EZH1: variants seen among roughly 807,000 people sequenced by gnomAD.
The protein encoded by EZH1 is histone-lysine N-methyltransferase EZH1.
In EZH1, 33 loss-of-function variants were observed where a neutral mutation model predicts 100.5. The observed-to-expected ratio is 0.33, with a 90% CI of 0.25 to 0.44. The LOEUF (loss-of-function observed/expected upper bound fraction) is 0.44, where lower values mean the gene tolerates loss of function less well. Among genes scored for constraint, EZH1 ranks in the 20% least tolerant of loss-of-function variants. The pLI is 1.00. For synonymous variants in EZH1, 272 were observed against 313.8 expected, an observed-to-expected ratio of 0.87 and a Z score of 1.41; for missense variants, 475 against 928.4, an observed-to-expected ratio of 0.51 and a Z score of 6.35.
intron 1 of EZH1, among the ~76,000 whole-genome samples, chr17:42,733,676 T>G (rs2143859757): frequency 7.0e-6 from 1 of 142,864 alleles, no homozygotes; most frequent in African/African-American, 2.6e-5. Flanking sequence ...GCAGGGTGGC[T>G]GACGTCTGTA....
chr17:42,706,177 G>T lies in EZH1; in HGVS notation c.1669C>A (p.Arg557Ser). Residue 557 changes from arginine to serine, a missense_variant, in exon 16 of 21, where the codon CGT becomes AGT. By Grantham distance (110) the Arg-to-Ser change is moderately radical (BLOSUM62 -1). Transcript: ENST00000428826. This position sits in a 1 kb window ranked among gnomAD's most constrained non-coding sequence, Gnocchi z 4.4. ...GTCTTACAGCGACAGCCAGGGAAAC[G>T]ATTCTGACCTGGGAAGGGAAGACAG... ...FCQCNPDCQN[R>S]FPGCRCKTQC... 1 of 1,608,556 alleles carries T rather than the reference G, an allele frequency of 6.2e-7. No homozygotes were observed. The highest frequency in any genetic ancestry group is 1.1e-5 in the South Asian group (1 of 89,982).
At chr17:42,704,763 G>T in intron 17 of EZH1, 80 bp from the exon 18 acceptor site, 1 of 1,120,442 alleles carries the variant, frequency 8.9e-7, no homozygotes, top group Non-Finnish European at 1.3e-6. Flanking sequence ...GAAAGGGCTG[G>T]GTGGTATCTC....
intron 2 of EZH1, chr17:42,729,213 C>T (rs1278063549): frequency 3.3e-6 from 1 of 303,642 alleles, no homozygotes; most frequent in Non-Finnish European, 6.2e-6. Flanking sequence ...TTGAGACAAC[C>T]TTGGGCAACA....
intron 1 of EZH1, among the ~76,000 whole-genome samples, chr17:42,743,200 T>G (rs1210341825): frequency 7.2e-6 from 1 of 138,648 alleles, no homozygotes; most frequent in East Asian, 2.2e-4. Flanking sequence ...TGACAGAATC[T>G]CACTCTGTTG....
At chr17:42,729,214 T>G (rs2053887405) in intron 2 of EZH1, 1 of 291,358 alleles carries the variant, frequency 3.4e-6, no homozygotes, top group Non-Finnish European at 6.5e-6. Flanking sequence ...TGAGACAACC[T>G]TGGGCAACAT....
At chr17:42,737,384 T>C (rs955971245) in intron 1 of EZH1, among the ~76,000 whole-genome samples, 1 of 152,210 alleles carries the variant, frequency 6.6e-6, no homozygotes, top group African/African-American at 2.4e-5. Context: ...GTGGATCTCT[T>C]GGGCCCAGTT....
Position 42,713,362 on chromosome 17 carries a change from G to A in EZH1, c.1051C>T (p.His351Tyr). Residue 351 changes from histidine to tyrosine, a missense_variant, in exon 11 of 21, where the codon CAC (histidine) becomes TAC (tyrosine). His to Tyr is a moderately conservative substitution (Grantham distance 83). Around this residue, in one of 8 missense-constraint regions of EZH1, gnomAD observed 180 missense variants for 295.3 expected, o/e 0.61. Coordinates refer to ENST00000428826, the MANE Select transcript of EZH1 (RefSeq NM_001991.5). ...CCAGAGCACTTGGAGCGGGGGTTGT[G>A]GAGCATGGCATACTCCTTTGCTCCT... Reference protein sequence around the residue: ...LEGAKEYAMLHNPRSKCSGRR... With the variant: ...LEGAKEYAMLYNPRSKCSGRR... 1 of 1,608,878 alleles carries A rather than the reference G, an allele frequency of 6.2e-7. No individual in the cohort carries two copies. The highest frequency in any genetic ancestry group is 2.2e-5 in the East Asian group (1 of 44,680).
intron 1 of EZH1, among the ~76,000 whole-genome samples, chr17:42,740,978 TAAAAC>T (rs773048453): frequency 3.9e-5 from 6 of 152,202 alleles, no homozygotes; most frequent in Non-Finnish European, 5.9e-5. Flanking sequence ...AGTTTGGACA[TAAAAC>T]AAAACAAAGA....
At chr17:42,743,066 G>A (rs1016474823) in intron 1 of EZH1, among the ~76,000 whole-genome samples, 1 of 151,760 alleles carries the variant, frequency 6.6e-6, no homozygotes, top group Non-Finnish European at 1.5e-5. Context: ...AAGGAGTTTC[G>A]CCATGTTGCC....
chr17:42,703,995 T>G (rs541035513), intron 18 of EZH1, among the ~76,000 whole-genome samples, 175 bp from the exon 19 acceptor site: 4 of 152,332 alleles, frequency 2.6e-5, no homozygotes, highest in Admixed American at 2.6e-4. Flanking sequence ...TTCAGCCTTG[T>G]GTGGGAGCAC....
At position 42,712,362 on chromosome 17, in the gene EZH1, C is replaced by T. The variant is rs2053500378; in HGVS notation, c.1328G>A (p.Arg443Gln). The change falls in exon 12 of 21, where the codon CGA (arginine) becomes CAA (glutamine). Residue 443 changes from arginine to glutamine, a missense_variant. Physicochemically the swap from Arg to Gln is conservative, Grantham distance 43. Transcript: ENST00000428826. ...EWTGAEESLFRVFHGTYFNNF... is the reference protein window; with the variant it reads ...EWTGAEESLFQVFHGTYFNNF... ...GTTGAAGTAGGTGCCATGGAAGACT[C>T]GAAAAAGAGATTCTTCAGCCCCAGT... The T allele has an allele frequency of 6.2e-7, 1 of 1,614,090 alleles. No homozygotes were observed. The highest frequency in any genetic ancestry group is 8.5e-7 in the Non-Finnish European group (1 of 1,180,018).
At chr17:42,709,320 A>G in intron 13 of EZH1, 1 of 219,666 alleles carries the variant, frequency 4.6e-6, no homozygotes, top group South Asian at 9.6e-5. Flanking sequence ...GAAAGAACTG[A>G]AAGGGAGGAG....
chr17:42,709,798 G>A (rs749640796), intron 13 of EZH1, 48 bp downstream of exon 13: 1 of 1,578,230 alleles, frequency 6.3e-7, no homozygotes, highest in East Asian at 2.2e-5. Flanking sequence ...TCAGAGCACA[G>A]GGAACAGCCT....
At chr17:42,735,759 G>A (rs546515989) in intron 1 of EZH1, among the ~76,000 whole-genome samples, 22 of 152,194 alleles carry the variant, frequency 1.4e-4, no homozygotes, top group Middle Eastern at 3.4e-3. Flanking sequence ...AGGTCAAGGC[G>A]GGTGGATCAC....
At chr17:42,727,961 C>A (rs1292010684) in intron 3 of EZH1, among the ~76,000 whole-genome samples, 198 bp from the exon 4 acceptor site, 3 of 151,760 alleles carry the variant, frequency 2.0e-5, no homozygotes, top group Non-Finnish European at 4.4e-5. Flanking sequence ...GGATTACAGG[C>A]ACAGACCACC....
At chr17:42,709,259 TG>T (rs1289422696) in intron 13 of EZH1, 1 of 262,166 alleles carries the variant, frequency 3.8e-6, no homozygotes, top group Non-Finnish European at 7.4e-6. Flanking sequence ...GGTGGAGATA[TG>T]GGGGAGTTTC....
intron 1 of EZH1, among the ~76,000 whole-genome samples, chr17:42,732,147 A>T (rs2053963302): frequency 6.6e-6 from 1 of 151,954 alleles, no homozygotes; most frequent in Non-Finnish European, 1.5e-5. Context: ...AACCAAAAAA[A>T]AAAAAGGAAA....
chr17:42,712,352 A>G lies in EZH1; in HGVS notation c.1338T>C (p.His446=). The change falls in exon 12 of 21, where the codon CAT becomes CAC. Residue 446 remains histidine, a synonymous_variant. Transcript: ENST00000428826. ...AACAGAAGTTGTTGAAGTAGGTGCC[A>G]TGGAAGACTCGAAAAAGAGATTCTT... is the stretch of plus-strand genomic sequence containing the variant. ...GAEESLFRVF[H]GTYFNNFCSI... is the part of the protein sequence containing the mutation. 6.2e-7 allele frequency: 1 copy of G among 1,614,186 alleles called. No individual in the cohort carries two copies. Among genetic ancestry groups the G allele is most frequent in the Non-Finnish European group, 8.5e-7 (1 of 1,180,042 alleles).
rs2053637250 is a variant in EZH1 at position 42,717,920 on chromosome 17, C to T, written c.1023+56G>A. On this transcript the variant is annotated intron_variant, in intron 10 of 20. Transcript: ENST00000428826. ...CCCCAGAGTGCTGTGTACTGGCTCA[C>T]GTGGCTTGTGTTCCCAGAATGAAGT... is the stretch of plus-strand genomic sequence containing the variant. 10 of 1,518,422 alleles carry T rather than the reference C, an allele frequency of 6.6e-6. No individual in the cohort carries two copies. The South Asian group carries it at 6.8e-5, about 10-fold the overall frequency. The allele number at this position is 1,518,422 out of a possible 1,614,324, so 94.1% of individuals were successfully genotyped here.
Sources: allele counts gnomAD v4.1 joint callset (sites outside exome capture counted in the v4.1 genomes callset), GRCh38; gene constraint gnomAD v4.1.1; regional missense constraint gnomAD v4.1.1; non-coding constraint Gnocchi (gnomAD v3.1); transcripts MANE v1.5; gene names NCBI Gene and HGNC (gene_info 2026-07-23, HGNC 2026-07-21).